Variants in CALN1 observed in about 807,000 individuals in gnomAD.
CALN1 encodes calcium-binding protein 8.
CALN1 carries 17 observed loss-of-function variants against 30.6 expected under a neutral mutation model. That is an observed-to-expected ratio of 0.56 (90% CI 0.38 to 0.83). CALN1 has a LOEUF of 0.83. Ranked by LOEUF, CALN1 falls within the 40% of genes least tolerant of loss-of-function variation. CALN1 has a pLI of 0.00. For missense variants in CALN1, 291 were observed against 354.9 expected (o/e 0.82, Z 1.45); for synonymous variants, 156 against 131.4 (o/e 1.19, Z -1.28).
At chr7:72,358,389 G>A (rs568639724) in intron 2 of CALN1, among the ~76,000 whole-genome samples, 2 of 151,576 alleles carry the variant, frequency 1.3e-5, no homozygotes, top group Admixed American at 6.6e-5. Context: ...TTAGTAAATG[G>A]AGAAAGGAAA....
chr7:72,501,928 A>AAAAAAT, the CALN1 span, among the ~76,000 whole-genome samples: 95 of 57,932 alleles, frequency 1.6e-3, no homozygotes, highest in Non-Finnish European at 2.2e-3. Context: ...AAAAAAAAAA[A>AAAAAAT]ATATATATAT....
chr7:71,825,932 C>T (rs1483910350), intron 5 of CALN1, among the ~76,000 whole-genome samples: 4 of 143,380 alleles, frequency 2.8e-5, no homozygotes, highest in African/African-American at 7.8e-5. Context: ...ACTTGGGAGG[C>T]TGAGGCAGGA....
chr7:72,325,016 T>C (rs1427396062), intron 2 of CALN1, among the ~76,000 whole-genome samples: 1 of 152,160 alleles, frequency 6.6e-6, no homozygotes, highest in Non-Finnish European at 1.5e-5. Context: ...TACTTAAAGA[T>C]TGCTGGGTGC....
intron 2 of CALN1, among the ~76,000 whole-genome samples, chr7:72,313,570 C>T (rs1229805879): frequency 2.2e-4 from 33 of 151,936 alleles, no homozygotes. Context: ...TTGTTTTGTA[C>T]TTTTTGTAGA....
At chr7:72,266,374 T>A (rs113605308) in intron 3 of CALN1, among the ~76,000 whole-genome samples, 1 of 152,230 alleles carries the variant, frequency 6.6e-6, no homozygotes, top group South Asian at 2.1e-4. Context: ...GGGCAAAGAG[T>A]TCCTGCTTAA....
chr7:72,359,209 A>C (rs1331811409), intron 2 of CALN1, among the ~76,000 whole-genome samples: 1 of 152,182 alleles, frequency 6.6e-6, no homozygotes, highest in Non-Finnish European at 1.5e-5. Context: ...TTTAGAAGCC[A>C]GACCATGTCA....
chr7:72,328,023 A>T (rs1169382136), intron 2 of CALN1, among the ~76,000 whole-genome samples: 1 of 152,236 alleles, frequency 6.6e-6, no homozygotes, highest in Non-Finnish European at 1.5e-5. Context: ...CAATATATGT[A>T]CTTGAAATGT....
In CALN1 at chr7:72,054,904, AAAAAC is replaced by A. The variant is rs879911287; in HGVS notation, c.389-31140_389-31136del. ...GCACATGTGCTCTGGAAACTAAAAT[AAAAAC>A]AAAACAAAACAAAACAAAACACACA... On this transcript the variant is annotated intron_variant, in intron 4 of 6. Coordinates refer to ENST00000395275, the MANE Select transcript of CALN1 (RefSeq NM_031468.4). Among the ~76,000 whole-genome samples the A allele has an allele frequency of 3.6e-3, 551 of 152,248 alleles. 2 individuals carry two copies. The highest frequency in any genetic ancestry group is 6.3e-3 in the Non-Finnish European group (427 of 68,016).
chr7:71,821,344 G>A (rs1788576465), intron 5 of CALN1, among the ~76,000 whole-genome samples: 4 of 152,128 alleles, frequency 2.6e-5, no homozygotes, highest in Admixed American at 2.0e-4. Context: ...ACCCGAGACT[G>A]GGTAATTTAT....
chr7:71,853,070 C>T (rs1486001677), intron 5 of CALN1, among the ~76,000 whole-genome samples: 1 of 151,674 alleles, frequency 6.6e-6, no homozygotes, highest in Non-Finnish European at 1.5e-5. Flanking sequence ...AGTTTAAACA[C>T]TTATTATTAT....
intron 3 of CALN1, among the ~76,000 whole-genome samples, chr7:72,208,446 GC>G (rs1792053893): frequency 6.6e-6 from 1 of 152,174 alleles, no homozygotes; most frequent in Admixed American, 6.6e-5. Context: ...CACTTGCACA[GC>G]CACTCAGGCA....
At chr7:71,903,928 G>T (rs1220507726) in intron 5 of CALN1, among the ~76,000 whole-genome samples, 1 of 152,078 alleles carries the variant, frequency 6.6e-6, no homozygotes. Flanking sequence ...CATATGAATA[G>T]CCAATAGGTA....
At chr7:72,043,014 A>T (rs34173611) in intron 4 of CALN1, among the ~76,000 whole-genome samples, 1 of 152,110 alleles carries the variant, frequency 6.6e-6, no homozygotes, top group Admixed American at 6.5e-5. Context: ...TATAGAAATA[A>T]ACATTTCGAC....
the CALN1 span, among the ~76,000 whole-genome samples, chr7:72,484,567 A>G: frequency 1.1e-4 from 16 of 151,828 alleles, no homozygotes; most frequent in Admixed American, 1.0e-3. Flanking sequence ...ACTTCCATGC[A>G]CTAATCAATA....
chr7:72,130,953 C>G (rs1373718409), intron 3 of CALN1, among the ~76,000 whole-genome samples: 1 of 152,154 alleles, frequency 6.6e-6, no homozygotes, highest in Non-Finnish European at 1.5e-5. Flanking sequence ...TCTCAATCAG[C>G]AAACAGAAAG....
chr7:72,349,282 TTGTGTGTGTGTGTGTGTGTGTGTGTGTG>T (rs3032183), intron 2 of CALN1, among the ~76,000 whole-genome samples: 2 of 147,752 alleles, frequency 1.4e-5, no homozygotes, highest in African/African-American at 5.0e-5. Flanking sequence ...ACACGCGTGC[TTGTGTGTGTGTGTGTGTGTGTGTGTGTG>T]TGTGTGTGTG....
At chr7:72,180,055 T>G (rs1049756886) in intron 3 of CALN1, among the ~76,000 whole-genome samples, 2 of 152,094 alleles carry the variant, frequency 1.3e-5, no homozygotes, top group Non-Finnish European at 2.9e-5. Context: ...TGCCCCACCC[T>G]CCCCAGCTGC....
At position 72,357,385 on chromosome 7, in the gene CALN1, AAT is replaced by A. The variant is rs1194487366; in HGVS notation, c.119+45864_119+45865del. 7.9e-5 allele frequency among the ~76,000 whole-genome samples: 12 copies of A among 152,008 alleles called. 2 individuals carry two copies. The highest frequency in any genetic ancestry group is 2.9e-4 in the African/African-American group (12 of 41,248). Reference sequence around the variant, plus strand: ...AGGCCTCGTGGGACCAGGTACTGCCAATGTTAATGAGTCCCAGCTTTTTTATG... The same window carrying A: ...AGGCCTCGTGGGACCAGGTACTGCCAGTTAATGAGTCCCAGCTTTTTTATG... On this transcript the variant is annotated intron_variant, in intron 2 of 6. Coordinates refer to ENST00000395275, the MANE Select transcript of CALN1 (RefSeq NM_031468.4).
At chr7:72,204,405 T>C (rs972848673) in intron 3 of CALN1, among the ~76,000 whole-genome samples, 13 of 152,006 alleles carry the variant, frequency 8.6e-5, no homozygotes, top group Admixed American at 2.0e-4. Flanking sequence ...TCTCCAACAA[T>C]ATTATTTTCA....
Sources: gnomAD v4.1 joint callset for allele counts (sites outside exome capture counted in the v4.1 genomes callset) on GRCh38, gnomAD v4.1.1 for gene constraint, MANE v1.5 for transcripts, NCBI Gene and HGNC (gene_info 2026-07-23, HGNC 2026-07-21) for gene names.